The following PDE1C variants were observed in gnomAD, a reference collection of about 807,000 sequenced individuals.
The protein encoded by PDE1C is dual specificity calcium/calmodulin-dependent 3',5'-cyclic nucleotide phosphodiesterase 1C.
PDE1C carries 62 observed loss-of-function variants against 93.1 expected under a neutral mutation model. That is an observed-to-expected ratio of 0.67 (90% CI 0.54 to 0.82). The LOEUF is 0.82. PDE1C is among the 40% of genes least tolerant of loss of function. The pLI is 0.00. For missense variants in PDE1C, 742 were observed against 884.6 expected (o/e 0.84, Z 2.04); for synonymous variants, 325 against 310.1 (o/e 1.05, Z -0.50).
intron 1 of PDE1C, among the ~76,000 whole-genome samples, chr7:32,268,407 T>A (rs2128884644): frequency 6.6e-6 from 1 of 152,270 alleles, no homozygotes; most frequent in South Asian, 2.1e-4. Context: ...TACCTTTCTT[T>A]CTGGAATGAT....
At chr7:31,629,057 T>C in the PDE1C span, among the ~76,000 whole-genome samples, 5 of 152,314 alleles carry the variant, frequency 3.3e-5, no homozygotes, top group African/African-American at 1.2e-4. Flanking sequence ...CTATCTATTG[T>C]CTCAGGTGGT....
chr7:31,836,154 A>G (rs1231465708), intron 11 of PDE1C, among the ~76,000 whole-genome samples: 2 of 152,178 alleles, frequency 1.3e-5, no homozygotes. Flanking sequence ...CTTCAATCTC[A>G]GGCCCGCATG....
At chr7:31,913,959 C>T (rs1442278809) in intron 2 of PDE1C, among the ~76,000 whole-genome samples, 1 of 152,162 alleles carries the variant, frequency 6.6e-6, no homozygotes, top group Admixed American at 6.5e-5. Context: ...CCAGCTAGAT[C>T]TACAGCAGTT....
chr7:31,943,788 G>T (rs1254209517), intron 2 of PDE1C, among the ~76,000 whole-genome samples: 4 of 152,016 alleles, frequency 2.6e-5, no homozygotes, highest in African/African-American at 9.7e-5. Flanking sequence ...TCAGATACTG[G>T]GATCAAAACC....
chr7:32,081,121 G>A (rs545484905), intron 3 of PDE1C, among the ~76,000 whole-genome samples: 18 of 152,336 alleles, frequency 1.2e-4, no homozygotes, highest in Middle Eastern at 3.4e-3. Context: ...ACTCTCACAC[G>A]TAGAGCTATG....
intron 3 of PDE1C, among the ~76,000 whole-genome samples, chr7:32,133,023 G>T (rs1800006161): frequency 6.6e-6 from 1 of 152,070 alleles, no homozygotes; most frequent in Non-Finnish European, 1.5e-5. Flanking sequence ...TATAAGTTCT[G>T]GTTTGAATAT....
rs117370845 is a variant in PDE1C at position 31,960,609 on chromosome 7, C to T, written c.129-79749G>A. Among the ~76,000 whole-genome samples the T allele has an allele frequency of 2.1e-4, 32 of 152,184 alleles. No homozygotes were observed. The East Asian group carries it at 5.0e-3, about 24-fold the overall frequency. ...AATATTTAAGAGTAAGAGAGTACTG[C>T]TTATCTCAAATGGTTCAGGAAAAAA... On this transcript the variant is annotated intron_variant, in intron 2 of 17. Coordinates refer to ENST00000396191, the MANE Select transcript of PDE1C (RefSeq NM_001191057.4).
chr7:31,677,523 C>G, the PDE1C span, among the ~76,000 whole-genome samples: 2 of 152,122 alleles, frequency 1.3e-5, no homozygotes, highest in South Asian at 2.1e-4. Flanking sequence ...ATTCATCATA[C>G]TAATCAAGCT....
chr7:32,263,607 A>T (rs1810374072), intron 1 of PDE1C, among the ~76,000 whole-genome samples: 1 of 152,146 alleles, frequency 6.6e-6, no homozygotes, highest in African/African-American at 2.4e-5. Flanking sequence ...TGTCCTTTAT[A>T]GTATTTTTTT....
chr7:31,863,168 T>C (rs972786061), intron 7 of PDE1C, among the ~76,000 whole-genome samples: 1 of 152,162 alleles, frequency 6.6e-6, no homozygotes, highest in Non-Finnish European at 1.5e-5. Context: ...TTGATTTAAT[T>C]TTAGTTTCCT....
chr7:32,400,840 T>C (rs1207647725), intron 1 of PDE1C, among the ~76,000 whole-genome samples: 1 of 152,224 alleles, frequency 6.6e-6, no homozygotes, highest in African/African-American at 2.4e-5. Context: ...TTCCCTTCCT[T>C]ATCCCCGACA....
intron 1 of PDE1C, among the ~76,000 whole-genome samples, chr7:32,375,374 A>G (rs1183053706): frequency 6.6e-6 from 1 of 152,166 alleles, no homozygotes; most frequent in Non-Finnish European, 1.5e-5. Context: ...GTGCAAACAG[A>G]AGACAACCAG....
At chr7:32,147,457 A>G (rs557709886) in intron 3 of PDE1C, among the ~76,000 whole-genome samples, 1 of 152,288 alleles carries the variant, frequency 6.6e-6, no homozygotes, top group Admixed American at 6.5e-5. Flanking sequence ...TTAATCACAT[A>G]CACACATTAA....
intron 1 of PDE1C, among the ~76,000 whole-genome samples, chr7:32,313,053 A>G (rs1011797245): frequency 2.0e-5 from 3 of 149,646 alleles, no homozygotes; most frequent in Non-Finnish European, 4.5e-5. Context: ...AAACAAATTT[A>G]CAAGAAAAAA....
At chr7:32,088,666 A>C (rs878889438) in intron 3 of PDE1C, among the ~76,000 whole-genome samples, 1 of 152,212 alleles carries the variant, frequency 6.6e-6, no homozygotes, top group Admixed American at 6.5e-5. Flanking sequence ...AGCAGAGGAA[A>C]ATCCCTCTAT....
At chr7:31,880,136 AG>A (rs978478964) in intron 3 of PDE1C, among the ~76,000 whole-genome samples, 3 of 152,110 alleles carry the variant, frequency 2.0e-5, no homozygotes, top group African/African-American at 7.2e-5. Flanking sequence ...TGTCTAAATT[AG>A]GGGGAAAAAA....
intron 2 of PDE1C, among the ~76,000 whole-genome samples, chr7:32,196,512 C>T (rs772206254): frequency 9.8e-6 from 1 of 101,828 alleles, no homozygotes; most frequent in Non-Finnish European, 2.1e-5. Flanking sequence ...GTCGTCTAGT[C>T]ACTCTGTCTT....
chr7:31,618,180 C>T, the PDE1C span, among the ~76,000 whole-genome samples: 6 of 152,156 alleles, frequency 3.9e-5, no homozygotes, highest in Non-Finnish European at 8.8e-5. Context: ...GTGACCATTT[C>T]CCCAAACTTA....
chr7:32,299,309 T>C (rs1319738390), exon 1 of PDE1C: 2 of 985,680 alleles, frequency 2.0e-6, no homozygotes, highest in Non-Finnish European at 2.4e-6. Context: ...GTTGCCGAAG[T>C]TTACTCCAAA....
Sources: gnomAD v4.1 joint callset for allele counts (sites outside exome capture counted in the v4.1 genomes callset) on GRCh38, gnomAD v4.1.1 for gene constraint, MANE v1.5 for transcripts, NCBI Gene and HGNC (gene_info 2026-07-23, HGNC 2026-07-21) for gene names.